Variants in SLC24A4 observed in about 807,000 individuals in gnomAD.
SLC24A4 encodes sodium/potassium/calcium exchanger 4.
In SLC24A4, 53 loss-of-function variants were observed where a neutral mutation model predicts 79.0. That is an observed-to-expected ratio of 0.67 (90% confidence interval 0.54 to 0.84). SLC24A4 has a LOEUF of 0.84. Ranked by LOEUF, SLC24A4 falls within the 40% of genes least tolerant of loss-of-function variation. The pLI is 0.00. For missense variants in SLC24A4, 731 were observed against 822.0 expected, an observed-to-expected ratio of 0.89 and a Z score of 1.35; for synonymous variants, 323 against 323.8, an observed-to-expected ratio of 1.00 and a Z score of 0.03.
intron 9 of SLC24A4, among the ~76,000 whole-genome samples, chr14:92,448,284 C>T (rs943928979): frequency 6.7e-6 from 1 of 150,156 alleles, no homozygotes; most frequent in South Asian, 2.1e-4. Context: ...GTTTTGTGCC[C>T]TTAAAAAGGG....
At chr14:92,455,858 G>A (rs1050424711) in intron 11 of SLC24A4, among the ~76,000 whole-genome samples, 1 of 151,966 alleles carries the variant, frequency 6.6e-6, no homozygotes. Flanking sequence ...CTACCACCAC[G>A]GCTGGCTAGT....
rs1895645014 is a variant in SLC24A4 at position 92,490,957 on chromosome 14, G to C, written c.1538-708G>C. 1.3e-5 allele frequency among the ~76,000 whole-genome samples: 2 copies of C among 152,184 alleles called. No homozygotes were observed. The highest frequency in any genetic ancestry group is 2.9e-5 in the Non-Finnish European group (2 of 68,040). On this transcript the variant is annotated intron_variant, in intron 14 of 16. Coordinates refer to ENST00000532405, the MANE Select transcript of SLC24A4 (RefSeq NM_153646.4). The surrounding 1 kb of genome is among the most constrained non-coding windows in gnomAD (Gnocchi z 4.3). ...CTTCATCTTTGCCCAGGTTCTCCCT[G>C]CATGTCCAGTTTTCTCCTTTTTATA...
At chr14:92,400,725 T>C (rs1890074691) in intron 2 of SLC24A4, among the ~76,000 whole-genome samples, 2 of 152,180 alleles carry the variant, frequency 1.3e-5, no homozygotes, top group Admixed American at 1.3e-4. Context: ...GTTAATTCAT[T>C]TGGTTCCCTC....
At chr14:92,408,840 T>G (rs775752259) in intron 2 of SLC24A4, among the ~76,000 whole-genome samples, 1 of 152,174 alleles carries the variant, frequency 6.6e-6, no homozygotes, top group Non-Finnish European at 1.5e-5. Context: ...TAGGGCAGAT[T>G]TATTTATGAA....
At chr14:92,363,504 CAT>C (rs1595167341) in intron 2 of SLC24A4, among the ~76,000 whole-genome samples, 1 of 152,336 alleles carries the variant, frequency 6.6e-6, no homozygotes, top group Admixed American at 6.5e-5. Context: ...CCAAGCGTTG[CAT>C]GTAGCCTCCA....
chr14:92,357,395 G>GT, intron 2 of SLC24A4, among the ~76,000 whole-genome samples: 1 of 152,332 alleles, frequency 6.6e-6, no homozygotes, highest in East Asian at 1.9e-4. Flanking sequence ...TGTACACCCA[G>GT]GCACATGGCA....
At position 92,441,973 on chromosome 14, in the gene SLC24A4, G is replaced by C. The variant is rs1215382430; in HGVS notation, c.394-116G>C. 2.7e-6 allele frequency: 2 copies of C among 738,196 alleles called. No homozygotes were observed. The highest frequency in any genetic ancestry group is 4.6e-6 in the Non-Finnish European group (2 of 433,136). 45.7% of individuals were successfully genotyped at this position (738,196 alleles called of 1,614,324 possible). A position where few individuals can be genotyped will look rare whatever the true frequency, so the allele number is the denominator to read the frequency against. ...CAGGGGTGAGAGGCTGCAGGCAGAC[G>C]AGTTTGCCTCTGGCTGCAGCACTGC... On this transcript the variant is annotated intron_variant, in intron 4 of 16. Coordinates refer to ENST00000532405, the MANE Select transcript of SLC24A4 (RefSeq NM_153646.4). This position sits in a 1 kb window ranked among gnomAD's most constrained non-coding sequence, Gnocchi z 4.6.
At chr14:92,410,387 C>T (rs1251701125) in intron 2 of SLC24A4, among the ~76,000 whole-genome samples, 1 of 152,070 alleles carries the variant, frequency 6.6e-6, no homozygotes, top group Non-Finnish European at 1.5e-5. Context: ...CTTATGTTGC[C>T]CAGGTTGGTC....
rs767555318 is a variant in SLC24A4 at position 92,442,759 on chromosome 14, C to T, written c.525C>T (p.Gly175=). Residue 175 remains glycine, a synonymous_variant, in exon 6 of 17, where the codon GGC becomes GGT. Transcript: ENST00000532405. ...HGDVGVGTIV[G]SAVFNILCII... ...ACGTCGGGGTGGGCACCATCGTGGG[C>T]TCTGCTGTGTTCAACATCCTGTGCA... 14 of 1,614,160 alleles carry T rather than the reference C, an allele frequency of 8.7e-6. No individual in the cohort carries two copies. In the Middle Eastern group the frequency reaches 8.3e-4, roughly 95 times the overall value.
chr14:92,368,860 A>G (rs1332951677), intron 2 of SLC24A4, among the ~76,000 whole-genome samples: 1 of 152,158 alleles, frequency 6.6e-6, no homozygotes, highest in East Asian at 1.9e-4. Context: ...AAGGAAACTG[A>G]GGGTCTGTGG....
chr14:92,475,886 A>G lies in SLC24A4; in HGVS notation c.1256-6794A>G, dbSNP rs568065388. Among the ~76,000 whole-genome samples, 3 of 152,318 alleles carry G rather than the reference A, an allele frequency of 2.0e-5. No homozygotes were observed. The South Asian group carries it at 6.2e-4, about 32-fold the overall frequency. ...GGTTGCCCTTCACTAAATTGATTTCACCATCCTCTCCTGGATCTCATCCAA... is the reference window on the plus strand; with the variant it reads ...GGTTGCCCTTCACTAAATTGATTTCGCCATCCTCTCCTGGATCTCATCCAA... On this transcript the variant is annotated intron_variant, in intron 12 of 16. Transcript: ENST00000532405.
chr14:92,486,639 T>G (rs1385325477), intron 13 of SLC24A4, 27 bp from the exon 14 acceptor site: 1 of 1,450,324 alleles, frequency 6.9e-7, no homozygotes, highest in Admixed American at 1.7e-5. Context: ...TGGTTGAGAG[T>G]TCATGTCTCC....
chr14:92,325,804 G>A (rs188852719), intron 1 of SLC24A4, 64 bp from the exon 2 acceptor site: 74 of 959,908 alleles, frequency 7.7e-5, no homozygotes, highest in Middle Eastern at 6.3e-4. Context: ...CAAATGTAAG[G>A]TCATTTTGGA....
intron 12 of SLC24A4, among the ~76,000 whole-genome samples, chr14:92,481,779 A>G (rs925902334): frequency 2.6e-5 from 4 of 152,274 alleles, no homozygotes; most frequent in Admixed American, 1.3e-4. Flanking sequence ...GATTCTGACA[A>G]TTTTTTGCTG....
At chr14:92,371,629 G>A (rs190637737) in intron 2 of SLC24A4, among the ~76,000 whole-genome samples, 187 of 152,056 alleles carry the variant, frequency 1.2e-3, no homozygotes, top group African/African-American at 4.4e-3. Context: ...CACCCCATTC[G>A]GGACCCCTCT....
At chr14:92,371,198 C>T (rs1888131809) in intron 2 of SLC24A4, among the ~76,000 whole-genome samples, 1 of 152,204 alleles carries the variant, frequency 6.6e-6, no homozygotes, top group Non-Finnish European at 1.5e-5. Flanking sequence ...GGCTCCGACA[C>T]AGAAAGAGAG....
intron 3 of SLC24A4, among the ~76,000 whole-genome samples, chr14:92,436,261 A>G (rs190503484): frequency 2.6e-5 from 4 of 152,342 alleles, no homozygotes; most frequent in Admixed American, 1.3e-4. Flanking sequence ...ACTCACTATC[A>G]CGAGAACAGC....
At chr14:92,391,616 A>G (rs1026454970) in intron 2 of SLC24A4, among the ~76,000 whole-genome samples, 2 of 152,164 alleles carry the variant, frequency 1.3e-5, no homozygotes, top group African/African-American at 4.8e-5. Context: ...CTGCAGTGTG[A>G]CCTTGCCACT....
At chr14:92,371,042 G>A (rs1039523595) in intron 2 of SLC24A4, among the ~76,000 whole-genome samples, 3 of 152,166 alleles carry the variant, frequency 2.0e-5, no homozygotes, top group Non-Finnish European at 2.9e-5. Context: ...TAGACAGATA[G>A]TAAGGACAAA....
Sources: allele counts gnomAD v4.1 joint callset (sites outside exome capture counted in the v4.1 genomes callset), GRCh38; gene constraint gnomAD v4.1.1; non-coding constraint Gnocchi (gnomAD v3.1); transcripts MANE v1.5; gene names NCBI Gene and HGNC (gene_info 2026-07-23, HGNC 2026-07-21).